MSRB2: variants seen among roughly 807,000 people sequenced by gnomAD.
MSRB2 encodes methionine sulfoxide reductase B2.
In MSRB2, 17 loss-of-function variants were observed where a neutral mutation model predicts 19.0. That is an observed-to-expected ratio of 0.89 (90% CI 0.61 to 1.34). The LOEUF (loss-of-function observed/expected upper bound fraction) is 1.34, where lower values mean the gene tolerates loss of function less well. MSRB2 is among the 40% of genes most tolerant of loss of function. The pLI is 0.00. For synonymous variants in MSRB2, 107 were observed against 99.7 expected (o/e 1.07, Z -0.44); for missense variants, 208 against 237.6 (o/e 0.88, Z 0.82).
At chr10:23,118,058 T>C (rs1840132542) in intron 3 of MSRB2, among the ~76,000 whole-genome samples, 1 of 151,492 alleles carries the variant, frequency 6.6e-6, no homozygotes, top group Admixed American at 6.6e-5. Context: ...CAACCTATAT[T>C]AAAAAAAAAT....
chr10:23,101,133 G>A (rs1839922172), intron 1 of MSRB2, among the ~76,000 whole-genome samples: 2 of 152,280 alleles, frequency 1.3e-5, no homozygotes, highest in South Asian at 4.1e-4. Context: ...GGTACCCAAT[G>A]TGTAGTCTTT....
At chr10:23,099,044 G>A (rs914745580) in intron 1 of MSRB2, among the ~76,000 whole-genome samples, 7 of 152,102 alleles carry the variant, frequency 4.6e-5, no homozygotes, top group African/African-American at 1.7e-4. Flanking sequence ...CAGTCTTATT[G>A]GACCAGGGCC....
rs144653384 is a variant in MSRB2 at position 23,096,352 on chromosome 10, C to CTCTGTGTGTGTGTG, written c.118+627_118+628insCTGTGTGTGTGTGT. On this transcript the variant is annotated intron_variant, in intron 1 of 4. Coordinates refer to ENST00000376510, the MANE Select transcript of MSRB2 (RefSeq NM_012228.4). ...TGTGTGTGTGTGTCTCTCTCTCTCT[C>CTCTGTGTGTGTGTG]TGTGTGTGTGTGTGTGTGTGTTTCT... Among the ~76,000 whole-genome samples, 174 of 142,792 alleles carry CTCTGTGTGTGTGTG rather than the reference C, an allele frequency of 1.2e-3. 1 individual carries two copies. The highest frequency in any genetic ancestry group is 4.0e-3 in the East Asian group (20 of 4,948). 93.7% of individuals were successfully genotyped at this position (142,792 alleles called of 152,430 possible). A position where few individuals can be genotyped will look rare whatever the true frequency, so the allele number is the denominator to read the frequency against.
intron 1 of MSRB2, among the ~76,000 whole-genome samples, chr10:23,100,008 G>T (rs1475602191): frequency 6.6e-6 from 1 of 152,116 alleles, no homozygotes; most frequent in Non-Finnish European, 1.5e-5. Context: ...AGACAATAGG[G>T]TTTTTTTCTA....
At chr10:23,105,067 C>G (rs898142192) in intron 2 of MSRB2, among the ~76,000 whole-genome samples, 1 of 152,202 alleles carries the variant, frequency 6.6e-6, no homozygotes, top group Admixed American at 6.5e-5. Context: ...TGTTGAATGA[C>G]TGCCGGGTAA....
intron 1 of MSRB2, among the ~76,000 whole-genome samples, chr10:23,099,541 A>T (rs932672592): frequency 6.6e-6 from 1 of 152,254 alleles, no homozygotes; most frequent in African/African-American, 2.4e-5. Context: ...AATACTAGTT[A>T]TATATTTTAA....
intron 2 of MSRB2, among the ~76,000 whole-genome samples, chr10:23,108,325 C>T (rs777481896): frequency 2.6e-5 from 4 of 152,156 alleles, no homozygotes; most frequent in Non-Finnish European, 4.4e-5. Flanking sequence ...CTCTGTCCAG[C>T]TGCCCCCCTG....
At chr10:23,095,863 C>G (rs576646295) in intron 1 of MSRB2, 137 bp downstream of exon 1, 135 of 464,420 alleles carry the variant, frequency 2.9e-4, no homozygotes, top group Middle Eastern at 6.3e-4. Context: ...GCCCCTCCCC[C>G]CCCCCAGCCC....
At chr10:23,106,294 C>T (rs926220506) in intron 2 of MSRB2, among the ~76,000 whole-genome samples, 1 of 152,298 alleles carries the variant, frequency 6.6e-6, no homozygotes, top group East Asian at 1.9e-4. Flanking sequence ...AATAAAACAT[C>T]GAAGGCTTCT....
intron 2 of MSRB2, among the ~76,000 whole-genome samples, 168 bp from the exon 3 acceptor site, chr10:23,110,074 G>C (rs1840032660): frequency 6.6e-6 from 1 of 152,214 alleles, no homozygotes; most frequent in South Asian, 2.1e-4. Flanking sequence ...ACATCTGCAG[G>C]CTGCTTCATT....
chr10:23,101,825 G>A (rs566255994), intron 1 of MSRB2, among the ~76,000 whole-genome samples: 1 of 152,250 alleles, frequency 6.6e-6, no homozygotes, highest in East Asian at 1.9e-4. Context: ...TTTTAAATAA[G>A]CTTTTTTATT....
At chr10:23,095,862 C>CG (rs1046849163) in intron 1 of MSRB2, 136 bp downstream of exon 1, 3 of 463,430 alleles carry the variant, frequency 6.5e-6, no homozygotes, top group African/African-American at 4.1e-5. Context: ...CGCCCCTCCC[C>CG]CCCCCCAGCC....
chr10:23,095,698 C>G lies in MSRB2; in HGVS notation c.90C>G (p.Pro30=), dbSNP rs972203953. 27 of 1,308,040 alleles carry G rather than the reference C, an allele frequency of 2.1e-5. No homozygotes were observed. The highest frequency in any genetic ancestry group is 2.4e-5 in the Non-Finnish European group (25 of 1,035,638). 81.0% of individuals were successfully genotyped at this position (1,308,040 alleles called of 1,614,324 possible). A position where few individuals can be genotyped will look rare whatever the true frequency, so the allele number is the denominator to read the frequency against. The part of the protein sequence containing the change: ...AVRGQAGGGG[P]GTGPGLGEAG... ...GGGGCCAAGCGGGCGGCGGCGGGCCCGGCACCGGGCCGGGACTGGGGGAGG... is the reference window on the plus strand; with the variant it reads ...GGGGCCAAGCGGGCGGCGGCGGGCCGGGCACCGGGCCGGGACTGGGGGAGG... The change falls in exon 1 of 5, where the codon CCC becomes CCG. Residue 30 remains proline, a synonymous_variant. Transcript: ENST00000376510.
Position 23,095,709 on chromosome 10 carries a change from C to T in MSRB2, c.101C>T (p.Pro34Leu), listed in dbSNP as rs747733953. The T allele has an allele frequency of 2.3e-6, 3 of 1,292,330 alleles. No homozygotes were observed. Among genetic ancestry groups the T allele is most frequent in the Non-Finnish European group, 2.9e-6 (3 of 1,026,646 alleles). The allele number at this position is 1,292,330 out of a possible 1,614,324, so 80.1% of individuals were successfully genotyped here. Residue 34 changes from proline to leucine, a missense_variant, in exon 1 of 5, where the codon CCG (proline) becomes CTG (leucine). Transcript: ENST00000376510. ...QAGGGGPGTG[P>L]GLGEAGSLAT... Reference sequence around the variant, plus strand: ...GGCGGCGGCGGGCCCGGCACCGGGCCGGGACTGGGGGAGGCAGGTAGGACG... The same window carrying T: ...GGCGGCGGCGGGCCCGGCACCGGGCTGGGACTGGGGGAGGCAGGTAGGACG...
intron 1 of MSRB2, among the ~76,000 whole-genome samples, chr10:23,100,350 A>C (rs553340257): frequency 6.6e-6 from 1 of 152,244 alleles, no homozygotes; most frequent in South Asian, 2.1e-4. Context: ...CTCTTTTTAA[A>C]TCATTTGAGG....
chr10:23,095,732 A>T lies in MSRB2; in HGVS notation c.118+6A>T. On this transcript the variant is annotated splice_donor_region_variant and intron_variant, in intron 1 of 4. Coordinates refer to ENST00000376510, the MANE Select transcript of MSRB2 (RefSeq NM_012228.4). ...GCCGGGACTGGGGGAGGCAGGTAGG[A>T]CGCGGGTCCCGCAGGCCCCGCCGCC... The T allele has an allele frequency of 8.0e-7, 1 of 1,249,518 alleles. No individual in the cohort carries two copies. The highest frequency in any genetic ancestry group is 1.0e-6 in the Non-Finnish European group (1 of 998,884). The allele number at this position is 1,249,518 out of a possible 1,614,324, so 77.4% of individuals were successfully genotyped here.
chr10:23,095,763 C>T, intron 1 of MSRB2, 37 bp downstream of exon 1: 6 of 1,200,092 alleles, frequency 5.0e-6, no homozygotes, highest in Non-Finnish European at 6.3e-6. Flanking sequence ...CCGCCGCCTA[C>T]GGCTTTCGGC....
At chr10:23,095,759 C>A in intron 1 of MSRB2, 33 bp downstream of exon 1, 1 of 1,212,656 alleles carries the variant, frequency 8.2e-7, no homozygotes, top group Non-Finnish European at 1.0e-6. Flanking sequence ...CCCGCCGCCG[C>A]CTACGGCTTT....
chr10:23,101,460 T>G (rs1390413812), intron 1 of MSRB2, among the ~76,000 whole-genome samples: 1 of 152,250 alleles, frequency 6.6e-6, no homozygotes, highest in Non-Finnish European at 1.5e-5. Context: ...CAAATTGTGC[T>G]ACTATAAACG....
Sources: gnomAD v4.1 joint callset for allele counts (sites outside exome capture counted in the v4.1 genomes callset) on GRCh38, gnomAD v4.1.1 for gene constraint, MANE v1.5 for transcripts, NCBI Gene and HGNC (gene_info 2026-07-23, HGNC 2026-07-21) for gene names.